Variants in COX5A observed in about 807,000 individuals in gnomAD.
The protein encoded by COX5A is cytochrome c oxidase subunit 5A.
COX5A carries 6 observed loss-of-function variants against 16.1 expected under a neutral mutation model. The observed-to-expected ratio is 0.37, with a 90% confidence interval of 0.20 to 0.73. The LOEUF (loss-of-function observed/expected upper bound fraction) is 0.73. COX5A is among the 30% of genes least tolerant of loss of function. COX5A has a pLI of 0.50. For missense variants in COX5A, 159 were observed against 194.9 expected (o/e 0.82, Z 1.10); for synonymous variants, 73 against 73.8 (o/e 0.99, Z 0.06).
At chr15:74,930,440 A>C in intron 1 of COX5A, among the ~76,000 whole-genome samples, 1 of 142,142 alleles carries the variant, frequency 7.0e-6, no homozygotes, top group Non-Finnish European at 1.5e-5. Flanking sequence ...AAGACAATAA[A>C]CAACAACAAC....
chr15:74,929,982 G>A (rs560497294), intron 1 of COX5A, among the ~76,000 whole-genome samples: 1 of 151,612 alleles, frequency 6.6e-6, no homozygotes, highest in Non-Finnish European at 1.5e-5. Flanking sequence ...GGGAGGCTGA[G>A]GCAGGAGAAT....
intron 3 of COX5A, 97 bp downstream of exon 3, chr15:74,926,669 T>A (rs1362997544): frequency 9.2e-6 from 12 of 1,301,842 alleles, no homozygotes; most frequent in Admixed American, 2.3e-5. Flanking sequence ...GGACTCATTT[T>A]AGGCATTTTA....
chr15:74,933,809 G>A (rs1207263723), intron 1 of COX5A, among the ~76,000 whole-genome samples: 4 of 152,154 alleles, frequency 2.6e-5, no homozygotes, highest in Non-Finnish European at 5.9e-5. Flanking sequence ...AGTGCTTCAT[G>A]ATAAGCAATT....
At chr15:74,934,167 TGAGCCCAGGGCAACAA>T (rs978626806) in intron 1 of COX5A, among the ~76,000 whole-genome samples, 2 of 152,120 alleles carry the variant, frequency 1.3e-5, no homozygotes, top group Non-Finnish European at 2.9e-5. Flanking sequence ...GAGGATCCCT[TGAGCCCAGGGCAACAA>T]GGCTGCAGTG....
At chr15:74,937,460 T>G (rs1268848552) in intron 1 of COX5A, among the ~76,000 whole-genome samples, 1 of 152,132 alleles carries the variant, frequency 6.6e-6, no homozygotes, top group Non-Finnish European at 1.5e-5. Context: ...GAGAAATGCC[T>G]GATTGAAAAG....
intron 3 of COX5A, among the ~76,000 whole-genome samples, chr15:74,924,158 G>A (rs1377457038): frequency 6.6e-6 from 1 of 152,136 alleles, no homozygotes; most frequent in Admixed American, 6.6e-5. Context: ...TCCAGCCTGG[G>A]TGACAGAACA....
intron 1 of COX5A, among the ~76,000 whole-genome samples, chr15:74,931,716 G>A (rs1249993663): frequency 6.6e-6 from 1 of 151,972 alleles, no homozygotes; most frequent in Non-Finnish European, 1.5e-5. Context: ...ACTAAGCTTG[G>A]CTAAGTTTTG....
chr15:74,926,167 G>A (rs1188402522), intron 3 of COX5A, among the ~76,000 whole-genome samples: 1 of 151,436 alleles, frequency 6.6e-6, no homozygotes, highest in East Asian at 2.0e-4. Flanking sequence ...AGCCTCCTGA[G>A]TAGCTGGGAC....
chr15:74,920,052 G>T lies in COX5A; in HGVS notation c.*400C>A. On this transcript the variant is annotated 3_prime_UTR_variant, in exon 5 of 5. Transcript: ENST00000322347. The stretch of plus-strand genomic sequence containing the variant: ...TCCCCACAGACAACCAGTCCCCTAA[G>T]CCTAGGGTGTCAACAAGAAAATTCT... 1 of 329,504 alleles carries T rather than the reference G, an allele frequency of 3.0e-6. No homozygotes were observed. Among genetic ancestry groups the T allele is most frequent in the South Asian group, 4.1e-5 (1 of 24,394 alleles). 20.4% of individuals were successfully genotyped at this position (329,504 alleles called of 1,614,324 possible). A position where few individuals can be genotyped will look rare whatever the true frequency, so the allele number is the denominator to read the frequency against.
At chr15:74,921,275 G>A (rs2065318586) in intron 4 of COX5A, among the ~76,000 whole-genome samples, 1 of 151,784 alleles carries the variant, frequency 6.6e-6, no homozygotes, top group African/African-American at 2.4e-5. Flanking sequence ...GGGCATGGTG[G>A]CGGGTGCCTG....
intron 3 of COX5A, among the ~76,000 whole-genome samples, chr15:74,924,230 C>T (rs2065333647): frequency 6.6e-6 from 1 of 151,684 alleles, no homozygotes; most frequent in Non-Finnish European, 1.5e-5. Flanking sequence ...TTTAAGTTAA[C>T]ACATTTGTTC....
chr15:74,934,653 A>C (rs149901177), intron 1 of COX5A, among the ~76,000 whole-genome samples: 207 of 152,230 alleles, frequency 1.4e-3, no homozygotes, highest in African/African-American at 4.7e-3. Flanking sequence ...ATATTGTTAA[A>C]TCCAATAATG....
intron 3 of COX5A, among the ~76,000 whole-genome samples, chr15:74,925,299 C>CT (rs1027691944): frequency 6.6e-6 from 1 of 151,980 alleles, no homozygotes; most frequent in Non-Finnish European, 1.5e-5. Context: ...GAGTGAGACT[C>CT]TGTCTCGAAA....
At position 74,925,332 on chromosome 15, in the gene COX5A, T is replaced by C. The variant is rs144816260; in HGVS notation, c.339+1434A>G. On this transcript the variant is annotated intron_variant, in intron 3 of 4. Transcript: ENST00000322347. The stretch of plus-strand genomic sequence containing the variant: ...AAAAAATAAATAAACTCAGAAATTA[T>C]GACCAAATAAGAAGGAGGAAAATTA... Among the ~76,000 whole-genome samples, 1,504 of 152,150 alleles carry C rather than the reference T, an allele frequency of 9.9e-3. 26 individuals are homozygous for C. The highest frequency in any genetic ancestry group is 0.034 in the African/African-American group (1,409 of 41,522).
intron 1 of COX5A, among the ~76,000 whole-genome samples, chr15:74,936,622 C>CTTTTTTTTTTTTTTTTTTTTTTTTT (rs1021836626): frequency 8.9e-6 from 1 of 112,426 alleles, no homozygotes; most frequent in South Asian, 3.2e-4. Flanking sequence ...AAAACATATT[C>CTTTTTTTTTTTTTTTTTTTTTTTTT]TTTTTTTTTT....
chr15:74,925,473 C>T (rs951076549), intron 3 of COX5A, among the ~76,000 whole-genome samples: 2 of 151,934 alleles, frequency 1.3e-5, no homozygotes, highest in Non-Finnish European at 2.9e-5. Context: ...ACTGTAACCT[C>T]TGCCTCCCGG....
chr15:74,933,046 G>T (rs918300746), intron 1 of COX5A, among the ~76,000 whole-genome samples: 2 of 152,058 alleles, frequency 1.3e-5, no homozygotes, highest in Non-Finnish European at 2.9e-5. Context: ...AATATGTCTG[G>T]TAAGTATGAA....
intron 1 of COX5A, among the ~76,000 whole-genome samples, chr15:74,936,296 C>G (rs1227219273): frequency 1.3e-5 from 2 of 148,458 alleles, no homozygotes; most frequent in Admixed American, 6.8e-5. Context: ...CAAAACAAAA[C>G]AAAAACAAAC....
At chr15:74,921,663 G>GA (rs1647463219) in intron 4 of COX5A, among the ~76,000 whole-genome samples, 1 of 152,112 alleles carries the variant, frequency 6.6e-6, no homozygotes, top group Admixed American at 6.6e-5. Context: ...CCAACAGGCA[G>GA]AGGTTACAGT....
Sources: gnomAD v4.1 joint callset for allele counts (sites outside exome capture counted in the v4.1 genomes callset) on GRCh38, gnomAD v4.1.1 for gene constraint, MANE v1.5 for transcripts, NCBI Gene and HGNC (gene_info 2026-07-23, HGNC 2026-07-21) for gene names.